OTOGL: variants seen among roughly 807,000 people sequenced by gnomAD.
The protein encoded by OTOGL is otogelin-like protein.
Under a neutral mutation model 318.5 loss-of-function variants are expected in OTOGL, and 285 were observed. The ratio of observed to expected loss-of-function variants is 0.89; its 90% confidence interval spans 0.81 to 0.99. The LOEUF is 0.99. Among genes scored for constraint, OTOGL ranks in the 50% least tolerant of loss-of-function variants. The probability of loss-of-function intolerance (pLI) is 0.00; values close to 1 mark genes in which losing one functional copy is unlikely to be tolerated. For synonymous variants in OTOGL, 987 were observed against 936.5 expected, an observed-to-expected ratio of 1.05 and a Z score of -0.99; for missense variants, 2,899 against 2,845.6, an observed-to-expected ratio of 1.02 and a Z score of -0.43.
chr12:80,310,055 C>T (rs961252878), intron 29 of OTOGL, among the ~76,000 whole-genome samples: 23 of 152,176 alleles, frequency 1.5e-4, no homozygotes, highest in African/African-American at 5.5e-4. Flanking sequence ...TGAGGAGAGA[C>T]ATTTAAGAAG....
At chr12:80,328,337 C>T (rs1887835849) in intron 35 of OTOGL, among the ~76,000 whole-genome samples, 1 of 151,566 alleles carries the variant, frequency 6.6e-6, no homozygotes, top group Non-Finnish European at 1.5e-5. Context: ...ACAACAACAA[C>T]AACAACAACA....
intron 1 of OTOGL, among the ~76,000 whole-genome samples, chr12:80,160,430 A>C (rs1012325197): frequency 2.6e-5 from 4 of 152,182 alleles, no homozygotes; most frequent in Non-Finnish European, 5.9e-5. Context: ...GACTAAGGAC[A>C]TGAATAAGCA....
At chr12:80,123,599 T>C (rs1870621176) in intron 1 of OTOGL, among the ~76,000 whole-genome samples, 2 of 152,226 alleles carry the variant, frequency 1.3e-5, no homozygotes, top group African/African-American at 4.8e-5. Context: ...TCTAGATCCC[T>C]GAGGAATCGC....
intron 35 of OTOGL, among the ~76,000 whole-genome samples, chr12:80,325,552 ACC>A (rs1840972590): frequency 6.6e-6 from 1 of 152,162 alleles, no homozygotes; most frequent in Non-Finnish European, 1.5e-5. Flanking sequence ...GGACTGCTAC[ACC>A]CTGTTGTTTG....
chr12:80,179,998 G>A (rs1364736112), intron 1 of OTOGL, among the ~76,000 whole-genome samples: 1 of 152,212 alleles, frequency 6.6e-6, no homozygotes, highest in African/African-American at 2.4e-5. Flanking sequence ...CCTGCAGGTG[G>A]GATATGCCAG....
intron 20 of OTOGL, 24 bp downstream of exon 20, chr12:80,265,234 G>A: frequency 6.3e-7 from 1 of 1,591,484 alleles, no homozygotes; most frequent in Non-Finnish European, 8.6e-7. Context: ...CACAGATAAA[G>A]ACTATCAGAT....
intron 1 of OTOGL, among the ~76,000 whole-genome samples, chr12:80,119,454 A>G (rs937464333): frequency 3.3e-5 from 5 of 152,212 alleles, no homozygotes; most frequent in African/African-American, 1.2e-4. Context: ...GAGATTGTCT[A>G]TAATAGAGAT....
chr12:80,105,214 T>C (rs1412835552), intron 1 of OTOGL, among the ~76,000 whole-genome samples: 1 of 152,168 alleles, frequency 6.6e-6, no homozygotes, highest in Admixed American at 6.5e-5. Flanking sequence ...AAAACTATTC[T>C]AAGAACATAA....
chr12:80,299,588 A>G (rs1885623687), intron 27 of OTOGL, among the ~76,000 whole-genome samples: 1 of 150,648 alleles, frequency 6.6e-6, no homozygotes, highest in Admixed American at 6.6e-5. Flanking sequence ...TTTATGGTAG[A>G]TGGACCATCC....
At chr12:80,280,891 G>A (rs989126096) in intron 26 of OTOGL, among the ~76,000 whole-genome samples, 3 of 151,458 alleles carry the variant, frequency 2.0e-5, no homozygotes, top group African/African-American at 7.3e-5. Context: ...TGTAATTCTT[G>A]TTGTAGAGAT....
chr12:80,291,743 C>A lies in OTOGL; in HGVS notation c.2929-5084C>A, dbSNP rs539924801. ...GTCAAAGCTGTGGTAAAATAACCAG[C>A]GTCTCCAACTGTTTCCTGTTACAAC... On this transcript the variant is annotated intron_variant, in intron 26 of 58. Transcript: ENST00000547103. 2.6e-5 allele frequency among the ~76,000 whole-genome samples: 4 copies of A among 152,290 alleles called. No individual in the cohort carries two copies. In the South Asian group the frequency reaches 8.3e-4, roughly 32 times the overall value.
chr12:80,369,217 AC>A (rs1407564254), intron 55 of OTOGL, among the ~76,000 whole-genome samples: 1 of 152,106 alleles, frequency 6.6e-6, no homozygotes, highest in Non-Finnish European at 1.5e-5. Flanking sequence ...AAATGCAAAG[AC>A]AAAAATACCT....
intron 1 of OTOGL, among the ~76,000 whole-genome samples, chr12:80,130,796 A>C (rs1871191111): frequency 6.6e-6 from 1 of 152,254 alleles, no homozygotes; most frequent in South Asian, 2.1e-4. Flanking sequence ...TGAATCTAAC[A>C]ATTTTTCTTC....
At chr12:80,191,213 A>G (rs1875672767) in intron 1 of OTOGL, among the ~76,000 whole-genome samples, 1 of 152,198 alleles carries the variant, frequency 6.6e-6, no homozygotes, top group East Asian at 1.9e-4. Flanking sequence ...TGAGGCGGGC[A>G]GATCACCTGA....
At chr12:80,352,486 T>C in intron 45 of OTOGL, 50 bp downstream of exon 45, 1 of 1,400,242 alleles carries the variant, frequency 7.1e-7, no homozygotes, top group East Asian at 2.5e-5. Context: ...AATTTCACTT[T>C]TGCAATCACT....
In OTOGL at chr12:80,379,451, G is replaced by GA. The variant is rs1407451841; in HGVS notation, c.*1409dup. 1.2e-5 allele frequency: 1 copy of GA among 80,910 alleles called. No individual in the cohort carries two copies. Among genetic ancestry groups the GA allele is most frequent in the Non-Finnish European group, 2.5e-5 (1 of 39,802 alleles). The allele number at this position is 80,910 out of a possible 1,614,324, so 5.0% of individuals were successfully genotyped here. A position where few individuals can be genotyped will look rare whatever the true frequency, so the allele number is the denominator to read the frequency against. The stretch of plus-strand genomic sequence containing the variant: ...TCTCTTGGGTTACTTAAATATGTGT[G>GA]AAAAAATCAACATTGCATCTGCAAA... On this transcript the variant is annotated 3_prime_UTR_variant, in exon 59 of 59. Coordinates refer to ENST00000547103, the MANE Select transcript of OTOGL (RefSeq NM_001378609.3).
At chr12:80,181,865 G>A (rs955400208) in intron 1 of OTOGL, among the ~76,000 whole-genome samples, 12 of 152,182 alleles carry the variant, frequency 7.9e-5, no homozygotes, top group Admixed American at 1.3e-4. Context: ...GCCTGATTGA[G>A]ACATATACTT....
chr12:80,254,975 C>A, intron 15 of OTOGL, 65 bp from the exon 16 acceptor site: 1 of 1,269,556 alleles, frequency 7.9e-7, no homozygotes, highest in Non-Finnish European at 1.0e-6. Context: ...GTATCATCCT[C>A]CTCTCTCTCC....
At chr12:80,229,574 A>G (rs937577837) in intron 8 of OTOGL, among the ~76,000 whole-genome samples, 196 bp downstream of exon 8, 2 of 151,992 alleles carry the variant, frequency 1.3e-5, no homozygotes, top group African/African-American at 4.8e-5. Context: ...CAGTAAGTTT[A>G]CCCTTCCTAA....
Sources: gnomAD v4.1 joint callset for allele counts (sites outside exome capture counted in the v4.1 genomes callset) on GRCh38, gnomAD v4.1.1 for gene constraint, MANE v1.5 for transcripts, NCBI Gene and HGNC (gene_info 2026-07-23, HGNC 2026-07-21) for gene names.